The following NPAS3 variants were observed in gnomAD, a reference collection of about 807,000 sequenced individuals.
The protein encoded by NPAS3 is neuronal PAS domain-containing protein 3.
Under a neutral mutation model 73.1 loss-of-function variants are expected in NPAS3, and 14 were observed. That is an observed-to-expected ratio of 0.19 (90% CI 0.13 to 0.30). The LOEUF (loss-of-function observed/expected upper bound fraction) is 0.30. Ranked by LOEUF, NPAS3 falls within the 10% of genes least tolerant of loss-of-function variation. NPAS3 has a pLI of 1.00. For synonymous variants in NPAS3, 620 were observed against 541.5 expected (o/e 1.14, Z -2.01); for missense variants, 1,096 against 1,250.0 (o/e 0.88, Z 1.86).
At chr14:33,163,043 T>C (rs1373297234) in intron 2 of NPAS3, among the ~76,000 whole-genome samples, 1 of 152,198 alleles carries the variant, frequency 6.6e-6, no homozygotes, top group African/African-American at 2.4e-5. Flanking sequence ...ACAACCTGAC[T>C]CACCGACCAC....
intron 4 of NPAS3, among the ~76,000 whole-genome samples, chr14:33,478,082 G>C (rs2051131399): frequency 6.6e-6 from 1 of 152,146 alleles, no homozygotes; most frequent in South Asian, 2.1e-4. Context: ...GGTAGAGGCA[G>C]AGCCTCCAGC....
chr14:33,680,930 A>C (rs887373469), intron 6 of NPAS3: 4 of 407,712 alleles, frequency 9.8e-6, no homozygotes, highest in Non-Finnish European at 1.7e-5. Context: ...TCATTATAGT[A>C]GTATGATTTT....
At chr14:33,204,542 C>T (rs1173810992) in intron 2 of NPAS3, among the ~76,000 whole-genome samples, 1 of 151,984 alleles carries the variant, frequency 6.6e-6, no homozygotes, top group Non-Finnish European at 1.5e-5. Context: ...GATTTGTATA[C>T]GTTTTCTCCT....
chr14:33,555,980 G>A (rs761151586), intron 4 of NPAS3, among the ~76,000 whole-genome samples: 9 of 151,740 alleles, frequency 5.9e-5, no homozygotes, highest in South Asian at 2.1e-4. Flanking sequence ...CAAATTGGCC[G>A]TTATTTTTCA....
At chr14:33,236,292 C>G (rs2048031866) in intron 3 of NPAS3, among the ~76,000 whole-genome samples, 1 of 152,060 alleles carries the variant, frequency 6.6e-6, no homozygotes, top group Admixed American at 6.6e-5. Flanking sequence ...CAAGCTCTGG[C>G]CTGCTCCTGT....
intron 2 of NPAS3, among the ~76,000 whole-genome samples, chr14:33,132,742 A>G: frequency 6.6e-6 from 1 of 152,172 alleles, no homozygotes. Flanking sequence ...GGATACCTTA[A>G]TTAGGACAAT....
chr14:33,300,723 TG>T (rs1302615820), intron 3 of NPAS3, among the ~76,000 whole-genome samples: 11 of 151,880 alleles, frequency 7.2e-5, no homozygotes, highest in Non-Finnish European at 4.4e-5. Flanking sequence ...AGTCTCCTTT[TG>T]TAGGGGAGGG....
At chr14:33,799,774 G>A (rs1358061500) in exon 12 of NPAS3, 2 of 1,602,222 alleles carry the variant, frequency 1.2e-6, no homozygotes, top group Non-Finnish European at 1.7e-6. Flanking sequence ...AGGGGAACCA[G>A]TCCGAGAACA....
chr14:33,794,183 G>C, intron 10 of NPAS3, 139 bp downstream of exon 10: 1 of 705,816 alleles, frequency 1.4e-6, no homozygotes, highest in South Asian at 1.9e-5. Context: ...CAATTCTGCT[G>C]TTCTTTCCAC....
At chr14:33,445,421 C>G (rs1349167528) in intron 4 of NPAS3, among the ~76,000 whole-genome samples, 1 of 152,234 alleles carries the variant, frequency 6.6e-6, no homozygotes, top group Non-Finnish European at 1.5e-5. Context: ...CACCCCAACT[C>G]TGACATGTGC....
At chr14:33,369,393 G>A (rs1363600350) in intron 4 of NPAS3, among the ~76,000 whole-genome samples, 4 of 72,182 alleles carry the variant, frequency 5.5e-5, no homozygotes, top group Non-Finnish European at 9.3e-5. Flanking sequence ...TTTATTTGAA[G>A]GCCTCATTTC....
intron 6 of NPAS3, among the ~76,000 whole-genome samples, chr14:33,691,118 C>CA (rs1456657098): frequency 1.3e-5 from 2 of 152,202 alleles, no homozygotes; most frequent in Non-Finnish European, 2.9e-5. Flanking sequence ...CATAAACAAT[C>CA]AGACAGTTGT....
chr14:33,435,118 TCATCAAACA>T (rs777828778), intron 4 of NPAS3, among the ~76,000 whole-genome samples: 36 of 152,324 alleles, frequency 2.4e-4, no homozygotes, highest in Non-Finnish European at 3.4e-4. Flanking sequence ...TTGTTTCTAC[TCATCAAACA>T]CATCAAACAC....
At chr14:33,153,567 C>G (rs922477872) in intron 2 of NPAS3, among the ~76,000 whole-genome samples, 2 of 152,090 alleles carry the variant, frequency 1.3e-5, no homozygotes, top group East Asian at 3.9e-4. Flanking sequence ...CTTGGCATCC[C>G]TTAGTCCAGA....
In NPAS3 at chr14:33,395,339, A is replaced by C. The variant is rs114220176; in HGVS notation, c.468+28071A>C. Reference sequence around the variant, plus strand: ...GAAAATATCAGAAGCATAGCTGTTAATTTTGAGGGTGTTTATCCAGAATGA... The same window carrying C: ...GAAAATATCAGAAGCATAGCTGTTACTTTTGAGGGTGTTTATCCAGAATGA... On this transcript the variant is annotated intron_variant, in intron 4 of 11. Transcript: ENST00000356141. Among the ~76,000 whole-genome samples, 1,172 of 152,146 alleles carry C rather than the reference A, an allele frequency of 7.7e-3. 12 individuals carry two copies. Among genetic ancestry groups the C allele is most frequent in the African/African-American group, 0.027 (1,133 of 41,540 alleles).
intron 4 of NPAS3, among the ~76,000 whole-genome samples, chr14:33,523,665 A>T (rs1297671821): frequency 6.6e-6 from 1 of 150,952 alleles, no homozygotes; most frequent in Non-Finnish European, 1.5e-5. Flanking sequence ...CTGTAATCCC[A>T]CCTATTCTGG....
At chr14:32,946,733 A>G (rs1235476924) in intron 1 of NPAS3, among the ~76,000 whole-genome samples, 2 of 152,208 alleles carry the variant, frequency 1.3e-5, no homozygotes, top group South Asian at 4.1e-4. Context: ...CATTTTTTAC[A>G]TTCAGCAAAT....
intron 1 of NPAS3, among the ~76,000 whole-genome samples, chr14:33,036,672 G>C (rs1026507813): frequency 1.3e-5 from 2 of 152,098 alleles, no homozygotes; most frequent in Non-Finnish European, 2.9e-5. Context: ...TCTAAAATTA[G>C]TCGTCATATA....
chr14:33,607,719 A>C (rs141587923), intron 5 of NPAS3, among the ~76,000 whole-genome samples: 1 of 152,210 alleles, frequency 6.6e-6, no homozygotes, highest in Non-Finnish European at 1.5e-5. Context: ...GTCCGTTCTC[A>C]TGCTGCTAAT....
Sources: gnomAD v4.1 joint callset for allele counts (sites outside exome capture counted in the v4.1 genomes callset) on GRCh38, gnomAD v4.1.1 for gene constraint, MANE v1.5 for transcripts, NCBI Gene and HGNC (gene_info 2026-07-23, HGNC 2026-07-21) for gene names.